TBL1XR1: variants seen among roughly 807,000 people sequenced by gnomAD.
The protein encoded by TBL1XR1 is F-box-like/WD repeat-containing protein TBL1XR1.
In TBL1XR1, 5 loss-of-function variants were observed where a neutral mutation model predicts 66.9. That is an observed-to-expected ratio of 0.07 (90% CI 0.04 to 0.16). The LOEUF (loss-of-function observed/expected upper bound fraction) is 0.16, where lower values mean the gene tolerates loss of function less well. Ranked by LOEUF, TBL1XR1 falls within the 10% of genes least tolerant of loss-of-function variation. The pLI is 1.00. For missense variants in TBL1XR1, 238 were observed against 623.2 expected (o/e 0.38, Z 6.58); for synonymous variants, 210 against 206.0 (o/e 1.02, Z -0.17).
At chr3:177,124,767 T>C (rs943125332) in intron 1 of TBL1XR1, among the ~76,000 whole-genome samples, 1 of 152,078 alleles carries the variant, frequency 6.6e-6, no homozygotes, top group Admixed American at 6.5e-5. Context: ...ATAGTAAAAC[T>C]CAAAATCTCA....
At chr3:177,185,076 ATT>A (rs549114520) in intron 1 of TBL1XR1, among the ~76,000 whole-genome samples, 253 of 151,516 alleles carry the variant, frequency 1.7e-3, no homozygotes, top group African/African-American at 5.7e-3. Context: ...CGATTTTTCA[ATT>A]TTTTTTTCAA....
At position 177,119,047 on chromosome 3, in the gene TBL1XR1, CT is replaced by C. The variant is rs575711743; in HGVS notation, c.-121-20507del. 2.3e-3 allele frequency among the ~76,000 whole-genome samples: 352 copies of C among 152,306 alleles called. 1 individual carries two copies. Among genetic ancestry groups the C allele is most frequent in the African/African-American group, 7.9e-3 (327 of 41,564 alleles). On this transcript the variant is annotated intron_variant, in intron 1 of 15. Transcript: ENST00000457928. ...AGTGCAGTGGCATGATCTCGGTTCA[CT>C]GTAACCTCCGCCTCCTACGTTCAAG...
Position 177,180,212 on chromosome 3 carries a change from G to A in TBL1XR1, c.-122+16909C>T, listed in dbSNP as rs557307091. Among the ~76,000 whole-genome samples, 18 of 135,906 alleles carry A rather than the reference G, an allele frequency of 1.3e-4. No individual in the cohort carries two copies. The South Asian group carries it at 3.6e-3, about 27-fold the overall frequency. The allele number at this position is 135,906 out of a possible 152,430, so 89.2% of individuals were successfully genotyped here. On this transcript the variant is annotated intron_variant, in intron 1 of 15. Transcript: ENST00000457928. ...AGATCGTGTCACTGCACTCCAGCCT[G>A]GTGACGGAGCAAGACTCCGTCTCAA...
chr3:177,176,915 G>C (rs778713729), intron 1 of TBL1XR1, among the ~76,000 whole-genome samples: 5 of 152,298 alleles, frequency 3.3e-5, no homozygotes, highest in Non-Finnish European at 7.4e-5. Flanking sequence ...AGGAGGTCAA[G>C]GCTGCAGGAG....
chr3:177,158,475 C>T (rs2108879836), intron 1 of TBL1XR1, among the ~76,000 whole-genome samples: 1 of 152,246 alleles, frequency 6.6e-6, no homozygotes, highest in South Asian at 2.1e-4. Flanking sequence ...GATCCGCCCG[C>T]CTCGGCCTCC....
At chr3:177,190,864 A>G (rs1736053247) in intron 1 of TBL1XR1, among the ~76,000 whole-genome samples, 1 of 152,214 alleles carries the variant, frequency 6.6e-6, no homozygotes, top group African/African-American at 2.4e-5. Flanking sequence ...TGCTGGAAGG[A>G]AAAAGGTCCA....
chr3:177,086,587 ATC>A (rs1277758030), intron 2 of TBL1XR1, among the ~76,000 whole-genome samples: 1 of 152,190 alleles, frequency 6.6e-6, no homozygotes, highest in African/African-American at 2.4e-5. Flanking sequence ...ATAAATTTTC[ATC>A]TCTCTACTAT....
intron 7 of TBL1XR1, among the ~76,000 whole-genome samples, chr3:177,049,004 C>T (rs1007848704): frequency 1.3e-5 from 2 of 152,152 alleles, no homozygotes; most frequent in Non-Finnish European, 2.9e-5. Context: ...AATAATACTA[C>T]AATGTGCTAA....
At chr3:177,112,107 A>ATATATATATATTTTTTT in intron 1 of TBL1XR1, among the ~76,000 whole-genome samples, 1 of 37,652 alleles carries the variant, frequency 2.7e-5, no homozygotes, top group African/African-American at 1.3e-4. Flanking sequence ...ATATATATAT[A>ATATATATATATTTTTTT]TTTTTTTTTT....
chr3:177,100,008 G>A (rs1373931818), intron 1 of TBL1XR1, among the ~76,000 whole-genome samples: 1 of 152,198 alleles, frequency 6.6e-6, no homozygotes, highest in Non-Finnish European at 1.5e-5. Flanking sequence ...TCGGGAAGCC[G>A]AGGCGGGCCG....
In TBL1XR1 at chr3:177,152,378, C is replaced by T. The variant is rs531258965; in HGVS notation, c.-122+44743G>A. Among the ~76,000 whole-genome samples, 162 of 152,152 alleles carry T rather than the reference C, an allele frequency of 1.1e-3. 1 individual carries two copies. Among genetic ancestry groups the T allele is most frequent in the African/African-American group, 3.6e-3 (148 of 41,518 alleles). On this transcript the variant is annotated intron_variant, in intron 1 of 15. Coordinates refer to ENST00000457928, the MANE Select transcript of TBL1XR1 (RefSeq NM_024665.7). ...TTGCCCAGGCTGGAGTGCAATGGCG[C>T]GATCTCAGCTCACTGCAACGTCCGC...
intron 1 of TBL1XR1, among the ~76,000 whole-genome samples, chr3:177,176,718 G>A (rs1223547296): frequency 6.6e-6 from 1 of 152,042 alleles, no homozygotes; most frequent in Non-Finnish European, 1.5e-5. Flanking sequence ...AGGAGGCTGA[G>A]GCAGCAAAGT....
chr3:177,057,781 TG>T (rs1487914790), intron 3 of TBL1XR1, among the ~76,000 whole-genome samples: 1 of 152,142 alleles, frequency 6.6e-6, no homozygotes, highest in Non-Finnish European at 1.5e-5. Context: ...ATAGTACCTC[TG>T]TAATCAAGTA....
intron 2 of TBL1XR1, among the ~76,000 whole-genome samples, chr3:177,084,459 T>C (rs772785713): frequency 2.5e-4 from 38 of 152,268 alleles, no homozygotes; most frequent in Non-Finnish European, 4.7e-4. Context: ...GTTTCAGAGA[T>C]TAATCCAAGT....
chr3:177,201,436 A>AAAG (rs1491441422), upstream of TBL1XR1, among the ~76,000 whole-genome samples: 5 of 150,236 alleles, frequency 3.3e-5, no homozygotes, highest in East Asian at 8.1e-4. Context: ...AAAAAAAAAA[A>AAAG]CAAATCCTGA....
rs71170848 is a variant in TBL1XR1 at position 177,037,772 on chromosome 3, T to TCATCCATCCATCCATCCATC, written c.1122+306_1122+325dup. On this transcript the variant is annotated intron_variant, in intron 12 of 15. Transcript: ENST00000457928. ...GAGTCAATTTCTCACAGTAAATCTC[T>TCATCCATCCATCCATCCATC]CATCCATCCATCCATCCATCCATCC... is the stretch of plus-strand genomic sequence containing the variant. 271 of 183,588 alleles carry TCATCCATCCATCCATCCATC rather than the reference T, an allele frequency of 1.5e-3. 3 individuals are homozygous for TCATCCATCCATCCATCCATC. The highest frequency in any genetic ancestry group is 4.7e-3 in the African/African-American group (191 of 40,918). The allele number at this position is 183,588 out of a possible 1,614,324, so 11.4% of individuals were successfully genotyped here. A position where few individuals can be genotyped will look rare whatever the true frequency, so the allele number is the denominator to read the frequency against.
intron 15 of TBL1XR1, 53 bp from the exon 16 acceptor site, chr3:177,025,577 TTA>T (rs1712993404): frequency 6.4e-7 from 1 of 1,559,414 alleles, no homozygotes; most frequent in East Asian, 2.3e-5. Flanking sequence ...ATTGTACATT[TTA>T]TGTTTAACTT....
chr3:177,111,271 ATTTT>A (rs10569471), intron 1 of TBL1XR1, among the ~76,000 whole-genome samples: 3 of 144,070 alleles, frequency 2.1e-5, no homozygotes, highest in Non-Finnish European at 4.5e-5. Flanking sequence ...ACTATGATTG[ATTTT>A]TTTTTTTTTT....
At chr3:177,133,895 A>AAAC (rs1728604032) in intron 1 of TBL1XR1, among the ~76,000 whole-genome samples, 1 of 151,032 alleles carries the variant, frequency 6.6e-6, no homozygotes, top group African/African-American at 2.4e-5. Flanking sequence ...AAAAAAAAAA[A>AAAC]GTAACACTCC....
Sources: allele counts gnomAD v4.1 joint callset (sites outside exome capture counted in the v4.1 genomes callset), GRCh38; gene constraint gnomAD v4.1.1; transcripts MANE v1.5; gene names NCBI Gene and HGNC (gene_info 2026-07-23, HGNC 2026-07-21).